PTPRB: variants seen among roughly 807,000 people sequenced by gnomAD.
PTPRB encodes the protein receptor-type tyrosine-protein phosphatase beta.
In PTPRB, 97 loss-of-function variants were observed where a neutral mutation model predicts 238.1. The ratio of observed to expected loss-of-function variants is 0.41; its 90% CI spans 0.35 to 0.48. PTPRB has a LOEUF of 0.48. Among genes scored for constraint, PTPRB ranks in the 20% least tolerant of loss-of-function variants. The pLI, the probability that PTPRB is intolerant of heterozygous loss-of-function variation, is 0.30. For missense variants in PTPRB, 2,292 were observed against 2,681.9 expected (o/e 0.85, Z 3.21); for synonymous variants, 970 against 995.4 (o/e 0.97, Z 0.48).
intron 11 of PTPRB, 137 bp from the exon 12 acceptor site, chr12:70,572,224 G>T (rs1373548624): frequency 1.3e-5 from 12 of 909,076 alleles, no homozygotes; most frequent in Admixed American, 2.5e-5. Context: ...TAGACCTTAG[G>T]TTACAAATTT....
chr12:70,595,651 T>C (rs751963851), intron 5 of PTPRB, among the ~76,000 whole-genome samples: 4 of 152,116 alleles, frequency 2.6e-5, no homozygotes, highest in Admixed American at 6.5e-5. Flanking sequence ...TTAGGAAACA[T>C]TATGACTTGA....
intron 32 of PTPRB, chr12:70,525,526 T>C (rs1373261865): frequency 6.6e-6 from 1 of 152,206 alleles, no homozygotes; most frequent in Non-Finnish European, 1.5e-5. Context: ...AAGGGTTACA[T>C]AGCGAGGACA....
At chr12:70,634,095 A>G (rs988836247) in intron 2 of PTPRB, among the ~76,000 whole-genome samples, 4 of 152,220 alleles carry the variant, frequency 2.6e-5, no homozygotes, top group African/African-American at 7.2e-5. Flanking sequence ...AACAGAAACT[A>G]TAACTCTCAA....
rs1020437353 is a variant in PTPRB at position 70,555,776 on chromosome 12, A to T, written c.4993+94T>A. The stretch of plus-strand genomic sequence containing the variant: ...GCTTATGCAAAAGTGAAGTGTATGC[A>T]AGTGAATAGCAGTGATGGATATGAT... On this transcript the variant is annotated intron_variant, in intron 19 of 33. Coordinates refer to ENST00000334414, the MANE Select transcript of PTPRB (RefSeq NM_001109754.4). 29 of 1,442,974 alleles carry T rather than the reference A, an allele frequency of 2.0e-5. No individual in the cohort carries two copies. The African/African-American group carries it at 3.4e-4, about 17-fold the overall frequency. 89.4% of individuals were successfully genotyped at this position (1,442,974 alleles called of 1,614,324 possible).
rs2136475450 is a variant in PTPRB, at chr12:70,594,693, G to A, written c.1290C>T (p.Ser430=). The change falls in exon 6 of 34, where the codon TCC becomes TCT. Residue 430 remains serine, a synonymous_variant. Transcript: ENST00000334414. ...AAATCAGGAGAGAATTGGCTTTTGT[G>A]GAAATACCAATATCTTTCACTGGAG... The part of the protein sequence containing the change: ...VPSPVKDIGI[S]TKANSLLISW... 6.2e-7 allele frequency: 1 copy of A among 1,613,944 alleles called. No homozygotes were observed. The highest frequency in any genetic ancestry group is 8.5e-7 in the Non-Finnish European group (1 of 1,179,850).
chr12:70,523,592 A>G (rs934113461), intron 33 of PTPRB, among the ~76,000 whole-genome samples: 1 of 152,120 alleles, frequency 6.6e-6, no homozygotes, highest in Non-Finnish European at 1.5e-5. Flanking sequence ...GGTTAAGCAG[A>G]GTCCTTCATA....
chr12:70,523,665 C>A (rs1297483875), intron 33 of PTPRB, among the ~76,000 whole-genome samples: 1 of 152,046 alleles, frequency 6.6e-6, no homozygotes, highest in East Asian at 1.9e-4. Context: ...CTGCAGGAAC[C>A]CCCTCCCTAC....
At position 70,596,043 on chromosome 12, in the gene PTPRB, T is replaced by G; in HGVS notation, c.1258+6A>C. The G allele has an allele frequency of 6.3e-7, 1 of 1,584,154 alleles. No homozygotes were observed. The highest frequency in any genetic ancestry group is 8.6e-7 in the Non-Finnish European group (1 of 1,161,136). On this transcript the variant is annotated splice_donor_region_variant and intron_variant, in intron 5 of 33. Transcript: ENST00000334414. ...ACTACTCAGCTATAAAATAAACAGGTCTTACCTGTTGATCCATTGGTATAA... is the reference window on the plus strand; with the variant it reads ...ACTACTCAGCTATAAAATAAACAGGGCTTACCTGTTGATCCATTGGTATAA...
intron 21 of PTPRB, among the ~76,000 whole-genome samples, chr12:70,547,995 CTT>C (rs958044351): frequency 1.3e-4 from 20 of 152,076 alleles, no homozygotes; most frequent in African/African-American, 4.3e-4. Flanking sequence ...GTGCAGATCT[CTT>C]TTCTTATTTC....
rs771918914 is a variant in PTPRB at position 70,536,135 on chromosome 12, T to C, written c.5971A>G (p.Ile1991Val). 3 of 1,613,702 alleles carry C rather than the reference T, an allele frequency of 1.9e-6. No homozygotes were observed. Among genetic ancestry groups the C allele is most frequent in the South Asian group, 2.2e-5 (2 of 91,026 alleles). ...CCAGGAAGCGGTCCCTGAGTGACAATGTATTCTCTTCTGAAGTTGTTGCCC... is the reference window on the plus strand; with the variant it reads ...CCAGGAAGCGGTCCCTGAGTGACAACGTATTCTCTTCTGAAGTTGTTGCCC... ...IPGNNFRREY[I>V]VTQGPLPGTK... is the part of the protein sequence containing the mutation. The change falls in exon 29 of 34, where the codon ATT becomes GTT. Residue 1991 changes from isoleucine (I) to valine (V), a missense_variant. By Grantham distance (29) the Ile-to-Val change is conservative. Around this residue, in one of 4 missense-constraint regions of PTPRB, gnomAD observed 397 missense variants for 502.0 expected, o/e 0.79. Transcript: ENST00000334414.
intron 3 of PTPRB, among the ~76,000 whole-genome samples, chr12:70,616,106 T>A (rs1884668823): frequency 6.6e-6 from 1 of 152,138 alleles, no homozygotes; most frequent in Non-Finnish European, 1.5e-5. Flanking sequence ...CTTTTTAAAT[T>A]TTTTAAATTA....
At chr12:70,611,580 G>C (rs142373403) in intron 3 of PTPRB, among the ~76,000 whole-genome samples, 4,404 of 152,278 alleles carry the variant, frequency 0.029, 96 homozygotes, top group Non-Finnish European at 0.042. Context: ...GATTACAGGC[G>C]TGTGCCACCG....
At position 70,539,959 on chromosome 12, in the gene PTPRB, G is replaced by A; in HGVS notation, c.5658C>T (p.His1886=). The change falls in exon 24 of 34, where the codon CAC becomes CAT. Residue 1886 remains histidine (H), a synonymous_variant. Transcript: ENST00000334414. Reference sequence around the variant, plus strand: ...CTTACCCTTTCTGGCCCAGGTTTAAGTGGACAGATAATGGTCGATCCCTAC... The same window carrying A: ...CTTACCCTTTCTGGCCCAGGTTTAAATGGACAGATAATGGTCGATCCCTAC... ...SIRRDRPLSV[H]LNLGQKGNRK... 1 of 1,612,040 alleles carries A rather than the reference G, an allele frequency of 6.2e-7. No homozygotes were observed. Among genetic ancestry groups the A allele is most frequent in the Non-Finnish European group, 8.5e-7 (1 of 1,178,090 alleles).
At position 70,576,611 on chromosome 12, in the gene PTPRB, A is replaced by G. The variant is rs1222673623; in HGVS notation, c.2613T>C (p.Asn871=). 7.2e-7 allele frequency: 1 copy of G among 1,392,604 alleles called. No individual in the cohort carries two copies. The highest frequency in any genetic ancestry group is 9.5e-7 in the Non-Finnish European group (1 of 1,052,904). The allele number at this position is 1,392,604 out of a possible 1,614,324, so 86.3% of individuals were successfully genotyped here. A position where few individuals can be genotyped will look rare whatever the true frequency, so the allele number is the denominator to read the frequency against. Residue 871 remains asparagine, a synonymous_variant, in exon 11 of 34, where the codon AAT becomes AAC. Transcript: ENST00000334414. ...PSSVSGVTVN[N]SGRNDYLSVS... ...CGCTGAGGTAGTCATTACGACCGGA[A>G]TTGTTCACCGTTACTCCACTCACAC...
chr12:70,572,159 G>C (rs563433901), intron 11 of PTPRB, 72 bp from the exon 12 acceptor site: 1 of 1,395,444 alleles, frequency 7.2e-7, no homozygotes. Flanking sequence ...ATGACAAGCT[G>C]GGACAATAAA....
intron 16 of PTPRB, among the ~76,000 whole-genome samples, chr12:70,561,790 T>C (rs1878516097): frequency 6.6e-6 from 1 of 152,186 alleles, no homozygotes; most frequent in African/African-American, 2.4e-5. Flanking sequence ...ATTTTTTTCA[T>C]AGAATTTAAG....
intron 8 of PTPRB, among the ~76,000 whole-genome samples, chr12:70,587,787 A>C (rs1882066581): frequency 6.6e-6 from 1 of 152,138 alleles, no homozygotes; most frequent in Non-Finnish European, 1.5e-5. Flanking sequence ...TTTATTGTTA[A>C]AATTTCTAGG....
At chr12:70,613,829 A>G (rs1031775975) in intron 3 of PTPRB, among the ~76,000 whole-genome samples, 1 of 152,162 alleles carries the variant, frequency 6.6e-6, no homozygotes, top group African/African-American at 2.4e-5. Context: ...ATCCTAAACA[A>G]GTCCTTCTAA....
chr12:70,629,999 C>T (rs1467270224), intron 2 of PTPRB, among the ~76,000 whole-genome samples: 2 of 152,116 alleles, frequency 1.3e-5, no homozygotes, highest in Non-Finnish European at 2.9e-5. Flanking sequence ...GATTCACAGC[C>T]GAATTCTACC....
Sources: allele counts gnomAD v4.1 joint callset (sites outside exome capture counted in the v4.1 genomes callset), GRCh38; gene constraint gnomAD v4.1.1; regional missense constraint gnomAD v4.1.1; transcripts MANE v1.5; gene names NCBI Gene and HGNC (gene_info 2026-07-23, HGNC 2026-07-21).